Variants in LGR5 observed in about 807,000 individuals in gnomAD.
The protein encoded by LGR5 is leucine rich repeat containing G protein-coupled receptor 5, also known as leucine-rich repeat-containing G protein-coupled receptor 5.
In LGR5, 54 loss-of-function variants were observed where a neutral mutation model predicts 76.7. The ratio of observed to expected loss-of-function variants is 0.70; its 90% CI spans 0.57 to 0.88. LGR5 has a LOEUF of 0.88. Among genes scored for constraint, LGR5 ranks in the 40% least tolerant of loss-of-function variants. LGR5 has a pLI of 0.00. For missense variants in LGR5, 1,078 were observed against 1,073.3 expected, an observed-to-expected ratio of 1.00 and a Z score of -0.06; for synonymous variants, 406 against 421.9, an observed-to-expected ratio of 0.96 and a Z score of 0.46.
chr12:71,459,932 T>G (rs12308154), intron 1 of LGR5, among the ~76,000 whole-genome samples: 17,803 of 152,066 alleles, frequency 0.12, 1,744 homozygotes, highest in African/African-American at 0.27. Flanking sequence ...GTTTCCAAGG[T>G]TTATCTGCAG....
At position 71,493,103 on chromosome 12, in the gene LGR5, T is replaced by C. The variant is rs529187641; in HGVS notation, c.213-11511T>C. 3.1e-4 allele frequency among the ~76,000 whole-genome samples: 47 copies of C among 151,542 alleles called. 7 individuals are homozygous for C. The highest frequency in any genetic ancestry group is 1.2e-3 in the African/African-American group (47 of 40,790). On this transcript the variant is annotated intron_variant, in intron 1 of 17. Coordinates refer to ENST00000266674, the MANE Select transcript of LGR5 (RefSeq NM_003667.4). ...AGAATGTTTAACAAATCTAGCCTTG[T>C]AATCAGAAACTAATTTATTTCTTTT...
intron 2 of LGR5, 92 bp from the exon 3 acceptor site, chr12:71,524,314 T>G: frequency 1.2e-6 from 1 of 854,256 alleles, no homozygotes. Flanking sequence ...ATTTGTGGTT[T>G]AAACATAGTT....
intron 1 of LGR5, among the ~76,000 whole-genome samples, chr12:71,478,097 C>T (rs1873419944): frequency 6.6e-6 from 1 of 152,164 alleles, no homozygotes; most frequent in African/African-American, 2.4e-5. Flanking sequence ...ATATAACTTA[C>T]ACTGACATTT....
intron 1 of LGR5, among the ~76,000 whole-genome samples, chr12:71,458,149 G>A (rs1872560557): frequency 6.6e-6 from 1 of 151,920 alleles, no homozygotes; most frequent in Non-Finnish European, 1.5e-5. Flanking sequence ...TTGTTGATAT[G>A]ACCTTTGCAT....
chr12:71,578,878 G>A lies in LGR5; in HGVS notation c.1355G>A (p.Gly452Glu), dbSNP rs1356112971. Residue 452 changes from glycine to glutamate, a missense_variant, in exon 15 of 18, where the codon GGA (glycine) becomes GAA (glutamate). Physicochemically the swap from Gly to Glu is moderately conservative, Grantham distance 98. Coordinates refer to ENST00000266674, the MANE Select transcript of LGR5 (RefSeq NM_003667.4). ...LHGLTHLKLT[G>E]NHALQSLISS... is the part of the protein sequence containing the mutation. Reference sequence around the variant, plus strand: ...GGTTTAACTCACTTAAAATTAACAGGAAATCATGCCTTACAGAGCTTGATA... The same window carrying A: ...GGTTTAACTCACTTAAAATTAACAGAAAATCATGCCTTACAGAGCTTGATA... 1.2e-6 allele frequency: 2 copies of A among 1,612,440 alleles called. No individual in the cohort carries two copies. Among genetic ancestry groups the A allele is most frequent in the East Asian group, 4.5e-5 (2 of 44,802 alleles).
intron 1 of LGR5, among the ~76,000 whole-genome samples, chr12:71,446,533 G>A (rs1291979240): frequency 6.6e-6 from 1 of 152,146 alleles, no homozygotes; most frequent in African/African-American, 2.4e-5. Context: ...CTCTTATTAG[G>A]TAAGCTTACT....
chr12:71,574,694 ATC>A (rs1465898189), intron 13 of LGR5, among the ~76,000 whole-genome samples: 1 of 152,098 alleles, frequency 6.6e-6, no homozygotes, highest in Non-Finnish European at 1.5e-5. Context: ...GTACAGTGTC[ATC>A]TCTCCTCAGC....
chr12:71,561,169 G>A (rs1878039468), intron 7 of LGR5, among the ~76,000 whole-genome samples: 1 of 152,174 alleles, frequency 6.6e-6, no homozygotes, highest in Admixed American at 6.5e-5. Context: ...GTGTGGCTTA[G>A]CTGGGCAGTG....
chr12:71,555,848 C>A (rs1452086861), intron 5 of LGR5, among the ~76,000 whole-genome samples: 6 of 152,192 alleles, frequency 3.9e-5, no homozygotes, highest in Admixed American at 6.5e-5. Context: ...GAATAGAAAT[C>A]ATTCTATTAT....
intron 1 of LGR5, among the ~76,000 whole-genome samples, chr12:71,468,435 T>C (rs1872948725): frequency 6.6e-6 from 1 of 152,212 alleles, no homozygotes; most frequent in South Asian, 2.1e-4. Context: ...AATGACTATG[T>C]ACCCAAGGTG....
At chr12:71,516,351 T>A (rs1476326515) in intron 2 of LGR5, among the ~76,000 whole-genome samples, 1 of 152,148 alleles carries the variant, frequency 6.6e-6, no homozygotes, top group Non-Finnish European at 1.5e-5. Context: ...AGAAGAAATT[T>A]GTGCAAGAAC....
intron 4 of LGR5, among the ~76,000 whole-genome samples, chr12:71,552,090 G>T (rs939897539): frequency 1.3e-5 from 2 of 151,906 alleles, no homozygotes; most frequent in East Asian, 1.9e-4. Context: ...GTCGGCAGGT[G>T]GGGGGCAAGG....
chr12:71,439,765 G>A, upstream of LGR5: 1 of 327,328 alleles, frequency 3.1e-6, no homozygotes, highest in Non-Finnish European at 5.6e-6. Context: ...GGGCTGGAGC[G>A]CTTTAAAAAA....
chr12:71,578,739 T>G (rs1878966296), intron 14 of LGR5, 65 bp from the exon 15 acceptor site: 2 of 1,467,006 alleles, frequency 1.4e-6, no homozygotes, highest in South Asian at 3.0e-5. Flanking sequence ...GGTTGTTGTT[T>G]TTTTTAACAT....
chr12:71,491,571 A>G (rs1874077549), intron 1 of LGR5, among the ~76,000 whole-genome samples: 3 of 151,862 alleles, frequency 2.0e-5, no homozygotes, highest in African/African-American at 7.3e-5. Flanking sequence ...GAAGAACATA[A>G]CTATAAATTA....
At chr12:71,528,487 G>A (rs1198176850) in intron 3 of LGR5, among the ~76,000 whole-genome samples, 2 of 152,042 alleles carry the variant, frequency 1.3e-5, no homozygotes, top group African/African-American at 4.8e-5. Context: ...AAATAAAATA[G>A]TGTTAGTGCA....
intron 1 of LGR5, among the ~76,000 whole-genome samples, chr12:71,468,461 C>T (rs1210684345): frequency 6.6e-6 from 1 of 152,130 alleles, no homozygotes; most frequent in Non-Finnish European, 1.5e-5. Flanking sequence ...TAAAGCCTTC[C>T]CTCTTGAATG....
intron 4 of LGR5, among the ~76,000 whole-genome samples, chr12:71,550,708 C>T (rs978692045): frequency 1.3e-5 from 2 of 152,098 alleles, no homozygotes; most frequent in African/African-American, 4.8e-5. Flanking sequence ...AGGTGATCTG[C>T]CCCCCTCAGC....
intron 1 of LGR5, among the ~76,000 whole-genome samples, chr12:71,463,460 T>C (rs1475744095): frequency 1.3e-5 from 2 of 152,138 alleles, no homozygotes; most frequent in Admixed American, 1.3e-4. Context: ...AATTACTAAG[T>C]CTCTCTAAAC....
Sources: gnomAD v4.1 joint callset for allele counts (sites outside exome capture counted in the v4.1 genomes callset) on GRCh38, gnomAD v4.1.1 for gene constraint, MANE v1.5 for transcripts, NCBI Gene and HGNC (gene_info 2026-07-23, HGNC 2026-07-21) for gene names.